CCDC171: variants seen among roughly 807,000 people sequenced by gnomAD.
CCDC171 encodes coiled-coil domain-containing protein 171.
In CCDC171, 177 loss-of-function variants were observed where a neutral mutation model predicts 168.2. The ratio of observed to expected loss-of-function variants is 1.05; its 90% confidence interval spans 0.93 to 1.19. CCDC171 has a LOEUF of 1.19. CCDC171 is among the 50% of genes most tolerant of loss of function. The pLI is 0.00. For synonymous variants in CCDC171, 687 were observed against 540.8 expected, an observed-to-expected ratio of 1.27 and a Z score of -3.75; for missense variants, 1,991 against 1,539.0, an observed-to-expected ratio of 1.29 and a Z score of -4.91.
intron 7 of CCDC171, among the ~76,000 whole-genome samples, chr9:15,628,758 C>A (rs1238032919): frequency 6.6e-6 from 1 of 152,114 alleles, no homozygotes; most frequent in African/African-American, 2.4e-5. Context: ...GAACCCTGAG[C>A]AGCCTAACTG....
chr9:15,710,426 C>A (rs1025483188), intron 11 of CCDC171, among the ~76,000 whole-genome samples: 3 of 152,040 alleles, frequency 2.0e-5, no homozygotes, highest in Non-Finnish European at 4.4e-5. Context: ...CCTCAGCCTC[C>A]CAGGTAGCTG....
In CCDC171 at chr9:15,779,055, G is replaced by C; in HGVS notation, c.2986G>C (p.Glu996Gln). 2 of 1,605,928 alleles carry C rather than the reference G, an allele frequency of 1.2e-6. No homozygotes were observed. Among genetic ancestry groups the C allele is most frequent in the Non-Finnish European group, 1.7e-6 (2 of 1,176,572 alleles). ...AEVERRSLRL[E>Q]VTEFKRSVNE... ...AGTGGAGCGCCGCTCACTACGCTTA[G>C]AGGTCACAGAATTCAAACGAAGTGT... The change falls in exon 20 of 26, where the codon GAG becomes CAG. Residue 996 changes from glutamate (E) to glutamine (Q), a missense_variant. Coordinates refer to ENST00000380701, the MANE Select transcript of CCDC171 (RefSeq NM_173550.4).
intron 24 of CCDC171, chr9:15,889,222 AAGT>A (rs1819873940): frequency 6.6e-6 from 1 of 151,916 alleles, no homozygotes; most frequent in East Asian, 1.9e-4. Context: ...CGGCCTCCCA[AAGT>A]ACTGGGATTA....
chr9:16,100,199 C>T, the CCDC171 span, among the ~76,000 whole-genome samples: 2 of 152,112 alleles, frequency 1.3e-5, no homozygotes, highest in Admixed American at 1.3e-4. Context: ...TCTTATTGAA[C>T]TAAATTGATT....
chr9:16,009,913 C>T (rs10810512), intron 3 of CCDC171, among the ~76,000 whole-genome samples: 49,578 of 151,960 alleles, frequency 0.33, 8,353 homozygotes, highest in Non-Finnish European at 0.36. Context: ...GCATTACAGG[C>T]GAATTGAATG....
chr9:15,629,390 C>G (rs2045478040), intron 7 of CCDC171, among the ~76,000 whole-genome samples: 2 of 152,150 alleles, frequency 1.3e-5, no homozygotes, highest in African/African-American at 2.4e-5. Context: ...GCAGAAGCCT[C>G]AGGAGCCGAT....
At chr9:15,565,795 C>T (rs1379155226) in intron 2 of CCDC171, among the ~76,000 whole-genome samples, 4 of 152,176 alleles carry the variant, frequency 2.6e-5, no homozygotes, top group African/African-American at 9.7e-5. Context: ...TTTTTGGGTA[C>T]TATGAATAAT....
At chr9:15,765,564 A>C (rs980188643) in intron 18 of CCDC171, among the ~76,000 whole-genome samples, 1 of 152,170 alleles carries the variant, frequency 6.6e-6, no homozygotes, top group Non-Finnish European at 1.5e-5. Context: ...ATGTATGTAA[A>C]AATTATTTTC....
intron 21 of CCDC171, among the ~76,000 whole-genome samples, chr9:15,799,326 T>G (rs1588571934): frequency 6.6e-6 from 1 of 151,304 alleles, no homozygotes; most frequent in East Asian, 1.9e-4. Context: ...TTTTAGCACT[T>G]TAAATATGTT....
At chr9:16,083,766 A>G in the CCDC171 span, among the ~76,000 whole-genome samples, 5 of 152,300 alleles carry the variant, frequency 3.3e-5, no homozygotes, top group East Asian at 5.8e-4. Flanking sequence ...AGAGTTGAAA[A>G]GTTTCAACGA....
At chr9:15,665,957 C>T (rs1005498584) in intron 8 of CCDC171, among the ~76,000 whole-genome samples, 7 of 152,144 alleles carry the variant, frequency 4.6e-5, no homozygotes, top group Non-Finnish European at 1.0e-4. Context: ...GTTAACTCTT[C>T]ATTCTTCTAC....
At chr9:15,700,900 GT>G (rs796112391) in intron 11 of CCDC171, among the ~76,000 whole-genome samples, 3,005 of 145,430 alleles carry the variant, frequency 0.021, 100 homozygotes, top group African/African-American at 0.071. Context: ...CCCATTATTA[GT>G]TTTTTTTTTT....
chr9:15,841,273 A>G (rs1291208415), intron 21 of CCDC171, among the ~76,000 whole-genome samples: 1 of 152,114 alleles, frequency 6.6e-6, no homozygotes, highest in Non-Finnish European at 1.5e-5. Flanking sequence ...ATGTATATAT[A>G]AGTAAATAAA....
chr9:16,037,640 T>A (rs1833495634), intron 8 of CCDC171, among the ~76,000 whole-genome samples: 1 of 151,948 alleles, frequency 6.6e-6, no homozygotes, highest in Admixed American at 6.6e-5. Context: ...TAAGGTACCA[T>A]GAAAAAATAA....
rs771168836 is a variant in CCDC171 at position 15,578,912 on chromosome 9, C to T, written c.241C>T (p.Arg81Ter). The stretch of plus-strand genomic sequence containing the variant: ...CGAGGTTGAAAAGGGAGAAGCATTG[C>T]GACAAAGTCTGGAATATGACCTAGC... ...RSEVEKGEAL[R>*]QSLEYDLAVA... Residue 81 changes from arginine to a stop codon, truncating the protein, a stop_gained, in exon 4 of 26, where the codon CGA becomes TGA. Coordinates refer to ENST00000380701, the MANE Select transcript of CCDC171 (RefSeq NM_173550.4). LOFTEE classifies it high-confidence loss of function. 14 of 1,613,596 alleles carry T rather than the reference C, an allele frequency of 8.7e-6. No homozygotes were observed. The highest frequency in any genetic ancestry group is 1.7e-5 in the Admixed American group (1 of 59,964).
At position 15,882,454 on chromosome 9, in the gene CCDC171, A is replaced by C. The variant is rs1004136631; in HGVS notation, c.3600+7791A>C. Among the ~76,000 whole-genome samples the C allele has an allele frequency of 7.4e-4, 112 of 152,078 alleles. 1 individual carries two copies. Among genetic ancestry groups the C allele is most frequent in the African/African-American group, 2.5e-3 (103 of 41,478 alleles). Reference sequence around the variant, plus strand: ...AAGCTTTTTAACTTGATGTAATCCCATTTTTCTATTTTTGGCTTGGTTGTC... The same window carrying C: ...AAGCTTTTTAACTTGATGTAATCCCCTTTTTCTATTTTTGGCTTGGTTGTC... On this transcript the variant is annotated intron_variant, in intron 24 of 25. Transcript: ENST00000380701.
chr9:15,795,273 A>AC (rs1429054608), intron 21 of CCDC171, among the ~76,000 whole-genome samples: 2 of 152,260 alleles, frequency 1.3e-5, no homozygotes, highest in East Asian at 3.9e-4. Context: ...TTAATTTATA[A>AC]CTAACTCACT....
chr9:15,942,293 A>T (rs1196258580), intron 25 of CCDC171, among the ~76,000 whole-genome samples: 1 of 151,996 alleles, frequency 6.6e-6, no homozygotes, highest in African/African-American at 2.4e-5. Context: ...GTTAAAGTTC[A>T]TAAGCCTATT....
intron 18 of CCDC171, among the ~76,000 whole-genome samples, chr9:15,759,349 G>T (rs1248431117): frequency 6.6e-6 from 1 of 152,104 alleles, no homozygotes; most frequent in Non-Finnish European, 1.5e-5. Context: ...TTCAAAGACT[G>T]CATATTTTAG....
Sources: allele counts gnomAD v4.1 joint callset (sites outside exome capture counted in the v4.1 genomes callset), GRCh38; gene constraint gnomAD v4.1.1; transcripts MANE v1.5; gene names NCBI Gene and HGNC (gene_info 2026-07-23, HGNC 2026-07-21).